CFI: variants seen among roughly 807,000 people sequenced by gnomAD.
CFI encodes C3B/C4B inactivator.
In CFI, 66 loss-of-function variants were observed where a neutral mutation model predicts 78.8. That is an observed-to-expected ratio of 0.84 (90% CI 0.69 to 1.03). The LOEUF (loss-of-function observed/expected upper bound fraction) is 1.03, where lower values mean the gene tolerates loss of function less well. CFI is among the 50% of genes least tolerant of loss of function. The probability of loss-of-function intolerance (pLI) is 0.00; values close to 1 mark genes in which losing one functional copy is unlikely to be tolerated. For synonymous variants in CFI, 250 were observed against 232.6 expected, an observed-to-expected ratio of 1.07 and a Z score of -0.68; for missense variants, 706 against 704.5, an observed-to-expected ratio of 1.00 and a Z score of -0.02.
In CFI at chr4:109,760,576, G is replaced by C. The variant is rs146444258; in HGVS notation, c.719C>G (p.Ala240Gly). Residue 240 changes from alanine to glycine, a missense_variant, in exon 5 of 13, where the codon GCC becomes GGC. Ala to Gly is a moderately conservative substitution (Grantham distance 60). Transcript: ENST00000394634. ...VNGKYISQMK[A>G]CDGINDCGDQ... is the part of the protein sequence containing the mutation. ...TCCACAATCATTGATACCATCACAG[G>C]CTTTCATCTGAGAAATGTATTTCCC... 272 of 1,611,298 alleles carry C rather than the reference G, an allele frequency of 1.7e-4. 1 individual carries two copies. Among genetic ancestry groups the C allele is most frequent in the Non-Finnish European group, 6.3e-5 (74 of 1,177,640 alleles).
chr4:109,777,548 C>T (rs1729419632), intron 1 of CFI, among the ~76,000 whole-genome samples: 1 of 150,830 alleles, frequency 6.6e-6, no homozygotes, highest in South Asian at 2.1e-4. Context: ...CTTTAACACC[C>T]CACTGTCAAC....
intron 7 of CFI, 75 bp downstream of exon 7, chr4:109,757,688 A>G (rs1238881056): frequency 1.0e-6 from 1 of 984,512 alleles, no homozygotes; most frequent in Non-Finnish European, 1.5e-6. Flanking sequence ...TAACAGTTAC[A>G]TTAAAATATA....
At chr4:109,791,982 C>G (rs1731440801) in intron 1 of CFI, among the ~76,000 whole-genome samples, 1 of 151,994 alleles carries the variant, frequency 6.6e-6, no homozygotes, top group Admixed American at 6.6e-5. Flanking sequence ...TTCTAATTTT[C>G]TTTCTGTTAT....
intron 1 of CFI, among the ~76,000 whole-genome samples, chr4:109,782,319 A>G (rs759419889): frequency 5.9e-5 from 9 of 152,098 alleles, no homozygotes; most frequent in Non-Finnish European, 1.0e-4. Flanking sequence ...ACAAGAATTT[A>G]GTAAAGTTTC....
intron 3 of CFI, chr4:109,762,287 A>C (rs1250995018): frequency 1.3e-5 from 2 of 152,618 alleles, no homozygotes; most frequent in African/African-American, 4.8e-5. Flanking sequence ...ATTATTGCCT[A>C]AGACTTGGAA....
intron 1 of CFI, among the ~76,000 whole-genome samples, chr4:109,785,382 T>C (rs1314365551): frequency 3.3e-5 from 5 of 152,142 alleles, no homozygotes; most frequent in African/African-American, 1.2e-4. Context: ...ATATTATCTT[T>C]GTGTTGAAAA....
intron 1 of CFI, among the ~76,000 whole-genome samples, chr4:109,770,080 T>G (rs1268671206): frequency 6.6e-6 from 1 of 152,200 alleles, no homozygotes; most frequent in Non-Finnish European, 1.5e-5. Context: ...TACCTCACTC[T>G]GTTACATAAA....
At chr4:109,797,287 A>G (rs1307048494) in intron 1 of CFI, among the ~76,000 whole-genome samples, 1 of 152,212 alleles carries the variant, frequency 6.6e-6, no homozygotes, top group Non-Finnish European at 1.5e-5. Flanking sequence ...TAGATAGTCA[A>G]CTGCTCTTCA....
intron 1 of CFI, among the ~76,000 whole-genome samples, chr4:109,777,660 C>A (rs1729438397): frequency 6.6e-6 from 1 of 152,198 alleles, no homozygotes; most frequent in Non-Finnish European, 1.5e-5. Flanking sequence ...ACTCTCCATA[C>A]CAAATCAACA....
chr4:109,796,804 AC>A (rs1732114025), intron 1 of CFI, among the ~76,000 whole-genome samples: 1 of 152,236 alleles, frequency 6.6e-6, no homozygotes, highest in Admixed American at 6.5e-5. Flanking sequence ...CTTTAACAAA[AC>A]AAAACAATCT....
chr4:109,753,161 A>T (rs1579187639), intron 7 of CFI, among the ~76,000 whole-genome samples: 1 of 36,936 alleles, frequency 2.7e-5, no homozygotes, highest in Non-Finnish European at 5.1e-5. Context: ...TTATTATATA[A>T]ATAAATATTT....
intron 1 of CFI, among the ~76,000 whole-genome samples, chr4:109,798,521 A>T (rs201138611): frequency 0.052 from 1,238 of 23,914 alleles, 6 homozygotes; most frequent in Middle Eastern, 0.33. Context: ...TTTTTTTTTT[A>T]AAAAGACCAT....
chr4:109,762,613 A>G (rs1326154973), intron 3 of CFI: 3 of 152,208 alleles, frequency 2.0e-5, no homozygotes, highest in African/African-American at 7.2e-5. Context: ...TAGAACAGTA[A>G]TGACAATATA....
chr4:109,771,714 CAAA>C (rs149565381), intron 1 of CFI, among the ~76,000 whole-genome samples: 1,062 of 17,518 alleles, frequency 0.061, 3 homozygotes, highest in Admixed American at 0.096. Flanking sequence ...ACTCCATCAC[CAAA>C]AAAAAAAAAA....
At chr4:109,801,612 A>G (rs1000632709) in intron 1 of CFI, among the ~76,000 whole-genome samples, 1 of 152,222 alleles carries the variant, frequency 6.6e-6, no homozygotes, top group Non-Finnish European at 1.5e-5. Context: ...CCTTACACAC[A>G]GGAGGAGCCT....
the CFI span, among the ~76,000 whole-genome samples, chr4:109,731,754 G>C: frequency 2.6e-5 from 4 of 152,162 alleles, no homozygotes; most frequent in Admixed American, 6.5e-5. Context: ...TTCCCTGGAA[G>C]GTATTATTAT....
At chr4:109,777,039 C>G (rs1027113115) in intron 1 of CFI, among the ~76,000 whole-genome samples, 20 of 152,302 alleles carry the variant, frequency 1.3e-4, no homozygotes, top group Non-Finnish European at 2.5e-4. Context: ...TAAAGACCAT[C>G]AAGGCTAGGA....
At chr4:109,741,515 C>T (rs1579151160) in intron 12 of CFI, 1 of 224,358 alleles carries the variant, frequency 4.5e-6, no homozygotes, top group Non-Finnish European at 7.5e-6. Context: ...ATTATTGCCC[C>T]TATTTTATAC....
chr4:109,761,654 A>C lies in CFI; in HGVS notation c.521T>G (p.Leu174Arg). Residue 174 changes from leucine to arginine, a missense_variant, in exon 4 of 13, where the codon CTC (leucine) becomes CGC (arginine). Transcript: ENST00000394634. ...TAGACATTCAGTGGAATTTATAGAG[A>C]GATCAGACAACTTAAACCTTCTTTG... ...DTQRRFKLSD[L>R]SINSTECLHV... The C allele has an allele frequency of 1.2e-6, 2 of 1,613,796 alleles. No individual in the cohort carries two copies. The highest frequency in any genetic ancestry group is 8.5e-7 in the Non-Finnish European group (1 of 1,179,754).
Sources: allele counts gnomAD v4.1 joint callset (sites outside exome capture counted in the v4.1 genomes callset), GRCh38; gene constraint gnomAD v4.1.1; transcripts MANE v1.5; gene names NCBI Gene and HGNC (gene_info 2026-07-23, HGNC 2026-07-21).